The following MAP2 variants were observed in gnomAD, a reference collection of about 807,000 sequenced individuals.
MAP2 encodes microtubule-associated protein 2.
A neutral mutation model predicts 137.6 loss-of-function variants in MAP2; 14 were observed. The ratio of observed to expected loss-of-function variants is 0.10; its 90% CI spans 0.07 to 0.16. The LOEUF (loss-of-function observed/expected upper bound fraction) is 0.16. Ranked by LOEUF, MAP2 falls within the 10% of genes least tolerant of loss-of-function variation. The pLI is 1.00. For missense variants in MAP2, 2,088 were observed against 2,191.5 expected, an observed-to-expected ratio of 0.95 and a Z score of 0.94; for synonymous variants, 786 against 782.3, an observed-to-expected ratio of 1.00 and a Z score of -0.08.
At chr2:209,665,272 T>C (rs143002867) in intron 5 of MAP2, among the ~76,000 whole-genome samples, 22 of 152,254 alleles carry the variant, frequency 1.4e-4, no homozygotes, top group African/African-American at 5.3e-4. Flanking sequence ...CTGAAAATAA[T>C]ATGAAAAGTC....
chr2:209,452,307 C>T (rs1397171009), intron 1 of MAP2, among the ~76,000 whole-genome samples: 1 of 152,160 alleles, frequency 6.6e-6, no homozygotes, highest in African/African-American at 2.4e-5. Context: ...GTTTCAGCAG[C>T]TTCTTCAAGG....
chr2:209,496,053 A>G (rs1380445156), intron 1 of MAP2, among the ~76,000 whole-genome samples: 6 of 152,190 alleles, frequency 3.9e-5, no homozygotes, highest in Non-Finnish European at 8.8e-5. Flanking sequence ...ATGTCAGAGT[A>G]CAGAACATTC....
intron 4 of MAP2, among the ~76,000 whole-genome samples, chr2:209,636,760 A>G (rs2153565277): frequency 6.6e-6 from 1 of 152,258 alleles, no homozygotes; most frequent in South Asian, 2.1e-4. Flanking sequence ...GGGAAGTAAC[A>G]TACCAATGTA....
At chr2:209,674,845 G>T (rs1053276850) in intron 5 of MAP2, among the ~76,000 whole-genome samples, 9 of 151,702 alleles carry the variant, frequency 5.9e-5, no homozygotes, top group African/African-American at 2.2e-4. Flanking sequence ...GACTGAATTT[G>T]CTCCTGTCCC....
At chr2:209,497,490 A>G (rs982563870) in intron 1 of MAP2, among the ~76,000 whole-genome samples, 1 of 152,218 alleles carries the variant, frequency 6.6e-6, no homozygotes, top group African/African-American at 2.4e-5. Context: ...TTGTTATGTT[A>G]GACTATATTA....
At chr2:209,460,908 C>T (rs1230210210) in intron 1 of MAP2, among the ~76,000 whole-genome samples, 2 of 151,892 alleles carry the variant, frequency 1.3e-5, no homozygotes, top group South Asian at 2.1e-4. Context: ...ACCACCACAC[C>T]CAGCTAATTT....
chr2:209,660,974 G>T lies in MAP2; in HGVS notation c.262+7542G>T, dbSNP rs566768378. Among the ~76,000 whole-genome samples the T allele has an allele frequency of 4.1e-5, 6 of 147,428 alleles. No homozygotes were observed. The South Asian group carries it at 1.1e-3, about 27-fold the overall frequency. On this transcript the variant is annotated intron_variant, in intron 5 of 15. Transcript: ENST00000682079. ...TTATCCAGGATGGTCTTCATATCCT[G>T]ACCTCGTGATCCGCCCGCCTCGGCA...
chr2:209,564,663 G>C (rs1238963543), intron 2 of MAP2, among the ~76,000 whole-genome samples: 1 of 145,988 alleles, frequency 6.8e-6, no homozygotes. Flanking sequence ...GGGCAGTGCA[G>C]GTTCTTATTT....
In MAP2 at chr2:209,733,337, C is replaced by G. The variant is rs1274932385; in HGVS notation, c.*2940C>G. ...GGATTTACCTGCTGAGTTCCAGCAG[C>G]GTGATGGGCTGACATCCCACCTACA... On this transcript the variant is annotated 3_prime_UTR_variant, in exon 16 of 16. Coordinates refer to ENST00000682079, the MANE Select transcript of MAP2 (RefSeq NM_001375505.1). 1 of 152,516 alleles carries G rather than the reference C, an allele frequency of 6.6e-6. No individual in the cohort carries two copies. The highest frequency in any genetic ancestry group is 2.4e-5 in the African/African-American group (1 of 41,412). The allele number at this position is 152,516 out of a possible 1,614,324, so 9.4% of individuals were successfully genotyped here. A position where few individuals can be genotyped will look rare whatever the true frequency, so the allele number is the denominator to read the frequency against.
intron 1 of MAP2, among the ~76,000 whole-genome samples, chr2:209,492,804 G>GA (rs2059286451): frequency 6.6e-6 from 1 of 152,126 alleles, no homozygotes; most frequent in Non-Finnish European, 1.5e-5. Context: ...CACACAAATG[G>GA]AAAAACATTC....
At chr2:209,556,493 G>A (rs1227346973) in intron 2 of MAP2, among the ~76,000 whole-genome samples, 1 of 151,996 alleles carries the variant, frequency 6.6e-6, no homozygotes, top group Non-Finnish European at 1.5e-5. Flanking sequence ...TAAGTATTAC[G>A]TGAACCTTGT....
At chr2:209,723,779 A>T in intron 13 of MAP2, 3 of 811,270 alleles carry the variant, frequency 3.7e-6, no homozygotes, top group Non-Finnish European at 6.4e-6. Context: ...TCTTTCCAAC[A>T]CACTGCTCCT....
At chr2:209,568,419 G>A (rs1256412657) in intron 2 of MAP2, among the ~76,000 whole-genome samples, 1 of 151,922 alleles carries the variant, frequency 6.6e-6, no homozygotes, top group Non-Finnish European at 1.5e-5. Flanking sequence ...ATAGGATCAT[G>A]CAGAATTTAA....
At chr2:209,633,674 A>G (rs2093309651) in intron 4 of MAP2, among the ~76,000 whole-genome samples, 1 of 152,110 alleles carries the variant, frequency 6.6e-6, no homozygotes, top group Admixed American at 6.6e-5. Context: ...AGGAAAAAAG[A>G]CTAGGTTTGT....
chr2:209,704,551 C>G (rs1447740215), intron 11 of MAP2: 1 of 1,612,792 alleles, frequency 6.2e-7, no homozygotes, highest in Non-Finnish European at 8.5e-7. Context: ...CATTTTCTGA[C>G]AGTTTATTAA....
intron 13 of MAP2, among the ~76,000 whole-genome samples, chr2:209,712,690 C>T (rs1409216942): frequency 6.6e-6 from 1 of 152,154 alleles, no homozygotes; most frequent in Non-Finnish European, 1.5e-5. Context: ...AGCACTCTCC[C>T]CTTAAAAGCC....
chr2:209,444,137 A>G (rs1036089536), intron 1 of MAP2, among the ~76,000 whole-genome samples: 9 of 151,622 alleles, frequency 5.9e-5, no homozygotes, highest in Non-Finnish European at 1.2e-4. Context: ...AATGGCAATA[A>G]ATGATTTACC....
chr2:209,626,029 A>T (rs1372971563), intron 4 of MAP2, among the ~76,000 whole-genome samples: 1 of 152,190 alleles, frequency 6.6e-6, no homozygotes, highest in African/African-American at 2.4e-5. Flanking sequence ...TACTGAATAT[A>T]TAATCTTAAA....
At chr2:209,497,215 A>G (rs533141608) in intron 1 of MAP2, among the ~76,000 whole-genome samples, 2 of 152,300 alleles carry the variant, frequency 1.3e-5, no homozygotes, top group South Asian at 4.2e-4. Flanking sequence ...ATTAAGGTTA[A>G]ACAAAGTCAT....
Sources: gnomAD v4.1 joint callset for allele counts (sites outside exome capture counted in the v4.1 genomes callset) on GRCh38, gnomAD v4.1.1 for gene constraint, MANE v1.5 for transcripts, NCBI Gene and HGNC (gene_info 2026-07-23, HGNC 2026-07-21) for gene names.